The following BDP1 variants were observed in gnomAD, a reference collection of about 807,000 sequenced individuals.
BDP1 encodes transcription factor TFIIIB component B'' homolog.
Under a neutral mutation model 266.6 loss-of-function variants are expected in BDP1, and 169 were observed. That is an observed-to-expected ratio of 0.63 (90% CI 0.56 to 0.72). The LOEUF is 0.72. BDP1 is among the 30% of genes least tolerant of loss of function. The pLI is 0.00. For synonymous variants in BDP1, 1,090 were observed against 1,022.4 expected (o/e 1.07, Z -1.26); for missense variants, 3,015 against 3,053.8 (o/e 0.99, Z 0.30).
intron 11 of BDP1, among the ~76,000 whole-genome samples, chr5:71,492,781 T>C (rs902521294): frequency 6.6e-6 from 1 of 152,248 alleles, no homozygotes; most frequent in African/African-American, 2.4e-5. Context: ...CCTATACTTT[T>C]GGTGTCATAT....
rs184806710 is a variant in BDP1 at position 71,484,036 on chromosome 5, G to A, written c.1069+140G>A. 14 of 675,626 alleles carry A rather than the reference G, an allele frequency of 2.1e-5. No individual in the cohort carries two copies. In the African/African-American group the frequency reaches 2.5e-4, roughly 12 times the overall value. The allele number at this position is 675,626 out of a possible 1,614,324, so 41.9% of individuals were successfully genotyped here. ...AGAGGAAGCAGTCTGAAATTTTTCTGTTTAGCAGTATGGGTCTGGCACTTG... is the reference window on the plus strand; with the variant it reads ...AGAGGAAGCAGTCTGAAATTTTTCTATTTAGCAGTATGGGTCTGGCACTTG... On this transcript the variant is annotated intron_variant, in intron 8 of 38. Transcript: ENST00000358731.
At position 71,566,411 on chromosome 5, in the gene BDP1, A is replaced by G. The variant is rs958102615; in HGVS notation, c.*1526A>G. On this transcript the variant is annotated 3_prime_UTR_variant, in exon 39 of 39. Transcript: ENST00000358731. ...CAGTATGAATTTAAGGTTTGTTTTAATTTCAAGATTTGATTTTTTATACGT... is the reference window on the plus strand; with the variant it reads ...CAGTATGAATTTAAGGTTTGTTTTAGTTTCAAGATTTGATTTTTTATACGT... 1 of 152,204 alleles carries G rather than the reference A, an allele frequency of 6.6e-6. No homozygotes were observed. The highest frequency in any genetic ancestry group is 1.5e-5 in the Non-Finnish European group (1 of 68,032). 9.4% of individuals were successfully genotyped at this position (152,204 alleles called of 1,614,324 possible).
intron 36 of BDP1, among the ~76,000 whole-genome samples, chr5:71,557,447 C>T (rs899094901): frequency 1.1e-4 from 14 of 133,086 alleles, no homozygotes; most frequent in African/African-American, 1.8e-4. Flanking sequence ...TGCAGTGGTG[C>T]GATCTCGGCT....
intron 23 of BDP1, 29 bp from the exon 24 acceptor site, chr5:71,522,727 A>G (rs1206296102): frequency 6.4e-7 from 1 of 1,557,530 alleles, no homozygotes; most frequent in Non-Finnish European, 8.7e-7. Context: ...TTCTGTAGTA[A>G]TACTAGCTAA....
At chr5:71,463,467 C>G (rs1050356110) in intron 3 of BDP1, among the ~76,000 whole-genome samples, 1 of 152,064 alleles carries the variant, frequency 6.6e-6, no homozygotes, top group African/African-American at 2.4e-5. Context: ...GACAAGTCAC[C>G]TAAGTAAGCT....
At chr5:71,546,147 T>G (rs1742285798) in intron 32 of BDP1, among the ~76,000 whole-genome samples, 1 of 152,214 alleles carries the variant, frequency 6.6e-6, no homozygotes, top group African/African-American at 2.4e-5. Flanking sequence ...CATTTAAAGT[T>G]ACGAGATTCC....
At chr5:71,480,104 C>T (rs1206649613) in intron 7 of BDP1, among the ~76,000 whole-genome samples, 55 of 151,484 alleles carry the variant, frequency 3.6e-4, no homozygotes, top group Non-Finnish European at 1.5e-5. Flanking sequence ...ACCACCATGC[C>T]TGGCTAATTT....
At position 71,509,656 on chromosome 5, in the gene BDP1, C is replaced by A; in HGVS notation, c.2564C>A (p.Thr855Asn). ...TTGAGAGAAACTGTAAGACTAGACACCTCACCAAAGGAGATGGTACCAGCA... is the reference window on the plus strand; with the variant it reads ...TTGAGAGAAACTGTAAGACTAGACAACTCACCAAAGGAGATGGTACCAGCA... ...AALRETVRLDTSPKEMVPAEI... is the reference protein window; with the variant it reads ...AALRETVRLDNSPKEMVPAEI... Residue 855 changes from threonine to asparagine, a missense_variant, in exon 17 of 39, where the codon ACC (threonine) becomes AAC (asparagine). Coordinates refer to ENST00000358731, the MANE Select transcript of BDP1 (RefSeq NM_018429.3). 1 of 1,612,864 alleles carries A rather than the reference C, an allele frequency of 6.2e-7. No individual in the cohort carries two copies. Among genetic ancestry groups the A allele is most frequent in the Non-Finnish European group, 8.5e-7 (1 of 1,179,730 alleles).
chr5:71,460,021 C>T (rs1325657435), intron 2 of BDP1, among the ~76,000 whole-genome samples: 2 of 152,190 alleles, frequency 1.3e-5, no homozygotes, highest in African/African-American at 2.4e-5. Flanking sequence ...AGATGCTCAA[C>T]CTCTATCTAG....
At chr5:71,535,349 C>T (rs1374092787) in intron 26 of BDP1, among the ~76,000 whole-genome samples, 7 of 151,944 alleles carry the variant, frequency 4.6e-5, no homozygotes, top group South Asian at 2.1e-4. Context: ...GGATTACAAG[C>T]GCCCGCCACC....
intron 26 of BDP1, among the ~76,000 whole-genome samples, chr5:71,533,018 T>C (rs1766349851): frequency 6.6e-6 from 1 of 152,242 alleles, no homozygotes; most frequent in Non-Finnish European, 1.5e-5. Flanking sequence ...TTCCTAGACA[T>C]GAAATTATAA....
In BDP1 at chr5:71,465,022, T is replaced by G. The variant is rs112080122; in HGVS notation, c.659+905T>G. On this transcript the variant is annotated intron_variant, in intron 4 of 38. Coordinates refer to ENST00000358731, the MANE Select transcript of BDP1 (RefSeq NM_018429.3). Reference sequence around the variant, plus strand: ...GTAAGCCACCATGCCCAGCCTAAAGTTTTTAGTTTTTGAAGAGTTTTTTTT... The same window carrying G: ...GTAAGCCACCATGCCCAGCCTAAAGGTTTTAGTTTTTGAAGAGTTTTTTTT... Among the ~76,000 whole-genome samples the G allele has an allele frequency of 5.0e-3, 753 of 151,730 alleles. 6 individuals carry two copies. The highest frequency in any genetic ancestry group is 0.017 in the African/African-American group (703 of 41,380).
chr5:71,571,674 G>C (rs468033), downstream of BDP1, among the ~76,000 whole-genome samples: 1 of 151,656 alleles, frequency 6.6e-6, no homozygotes, highest in East Asian at 1.9e-4. Flanking sequence ...TGCTCTTGTT[G>C]CCCAGGCTGG....
At chr5:71,504,498 A>C in intron 15 of BDP1, 123 bp from the exon 16 acceptor site, 1 of 840,298 alleles carries the variant, frequency 1.2e-6, no homozygotes. Flanking sequence ...AAAGTATTTT[A>C]AAGTCTCCAT....
chr5:71,506,758 T>TTATATATA lies in BDP1; in HGVS notation c.2372+2023_2372+2030dup, dbSNP rs67179518. On this transcript the variant is annotated intron_variant, in intron 16 of 38. Transcript: ENST00000358731. ...GATTTGGTGATGTTTGTTTGGAGGTTTATATATATATATATATATATATTT... is the reference window on the plus strand; with the variant it reads ...GATTTGGTGATGTTTGTTTGGAGGTTTATATATATATATATATATATATATATATATTT... Among the ~76,000 whole-genome samples the TTATATATA allele has an allele frequency of 1.0e-3, 137 of 135,854 alleles. 1 individual carries two copies. Among genetic ancestry groups the TTATATATA allele is most frequent in the African/African-American group, 3.3e-3 (117 of 35,764 alleles). The allele number at this position is 135,854 out of a possible 152,430, so 89.1% of individuals were successfully genotyped here. A position where few individuals can be genotyped will look rare whatever the true frequency, so the allele number is the denominator to read the frequency against.
rs549571813 is a variant in BDP1 at position 71,547,793 on chromosome 5, C to A, written c.6745-889C>A. 3.5e-3 allele frequency among the ~76,000 whole-genome samples: 529 copies of A among 151,870 alleles called. 1 individual carries two copies. The highest frequency in any genetic ancestry group is 4.8e-3 in the Non-Finnish European group (328 of 67,926). On this transcript the variant is annotated intron_variant, in intron 32 of 38. Coordinates refer to ENST00000358731, the MANE Select transcript of BDP1 (RefSeq NM_018429.3). ...TGAAACTCTGTCTCTACTAAAAATA[C>A]AAAAATTAGCTGGGCATGGTGGTGT...
chr5:71,550,814 T>G (rs1372213154), intron 34 of BDP1, among the ~76,000 whole-genome samples: 1 of 152,190 alleles, frequency 6.6e-6, no homozygotes, highest in Non-Finnish European at 1.5e-5. Context: ...CAAGTGATTC[T>G]CGTGCCTAAG....
At position 71,504,760 on chromosome 5, in the gene BDP1, C is replaced by T; in HGVS notation, c.2372+9C>T. ...CTTAATGAATGTCTAAGGTAAGCATCATTTTGTTGATATATAATCTTTGGA... is the reference window on the plus strand; with the variant it reads ...CTTAATGAATGTCTAAGGTAAGCATTATTTTGTTGATATATAATCTTTGGA... On this transcript the variant is annotated intron_variant, in intron 16 of 38. Coordinates refer to ENST00000358731, the MANE Select transcript of BDP1 (RefSeq NM_018429.3). 1 of 1,610,062 alleles carries T rather than the reference C, an allele frequency of 6.2e-7. No individual in the cohort carries two copies. Among genetic ancestry groups the T allele is most frequent in the Non-Finnish European group, 8.5e-7 (1 of 1,178,886 alleles).
chr5:71,495,348 T>C lies in BDP1; in HGVS notation c.1739T>C (p.Val580Ala). 1 of 1,603,612 alleles carries C rather than the reference T, an allele frequency of 6.2e-7. No homozygotes were observed. Among genetic ancestry groups the C allele is most frequent in the Non-Finnish European group, 8.5e-7 (1 of 1,173,902 alleles). Residue 580 changes from valine to alanine, a missense_variant, in exon 12 of 39, where the codon GTG (valine) becomes GCG (alanine). Coordinates refer to ENST00000358731, the MANE Select transcript of BDP1 (RefSeq NM_018429.3). ...FEVGIRALCE[V>A]NNAEGSCIEE... ...GTTGGAATTAGAGCATTGTGTGAGGTGAATAATGCTGAGGGTAGTTGTATA... is the reference window on the plus strand; with the variant it reads ...GTTGGAATTAGAGCATTGTGTGAGGCGAATAATGCTGAGGGTAGTTGTATA...
Sources: gnomAD v4.1 joint callset for allele counts (sites outside exome capture counted in the v4.1 genomes callset) on GRCh38, gnomAD v4.1.1 for gene constraint, MANE v1.5 for transcripts, NCBI Gene and HGNC (gene_info 2026-07-23, HGNC 2026-07-21) for gene names.